The following PALS1 variants were observed in gnomAD, a reference collection of about 807,000 sequenced individuals.
PALS1 encodes the protein protein PALS1.
Under a neutral mutation model 78.9 loss-of-function variants are expected in PALS1, and 31 were observed. The observed-to-expected ratio is 0.39, with a 90% CI of 0.30 to 0.53. The LOEUF (loss-of-function observed/expected upper bound fraction) is 0.53, where lower values mean the gene tolerates loss of function less well. PALS1 is among the 20% of genes least tolerant of loss of function. PALS1 has a pLI of 0.67. For missense variants in PALS1, 704 were observed against 826.5 expected, an observed-to-expected ratio of 0.85 and a Z score of 1.82; for synonymous variants, 276 against 270.9, an observed-to-expected ratio of 1.02 and a Z score of -0.18.
chr14:67,327,939 A>G (rs988013385), intron 14 of PALS1, among the ~76,000 whole-genome samples: 23 of 152,216 alleles, frequency 1.5e-4, no homozygotes, highest in Admixed American at 1.4e-3. Flanking sequence ...GCTGCAGTCA[A>G]TGTACGTGTG....
chr14:67,298,111 G>C (rs990721274), intron 4 of PALS1, among the ~76,000 whole-genome samples: 2 of 152,042 alleles, frequency 1.3e-5, no homozygotes, highest in South Asian at 4.1e-4. Context: ...GAATCAGATG[G>C]TGATGGTCCT....
chr14:67,323,633 T>TATATATATAC (rs2085303369), intron 13 of PALS1, 69 bp from the exon 14 acceptor site: 3 of 411,118 alleles, frequency 7.3e-6, no homozygotes, highest in African/African-American at 6.6e-5. Context: ...TATATATATA[T>TATATATATAC]ATATCAGTAT....
intron 2 of PALS1, among the ~76,000 whole-genome samples, chr14:67,276,542 AT>A (rs779981211): frequency 1.1e-4 from 16 of 152,318 alleles, no homozygotes; most frequent in Middle Eastern, 6.8e-3. Context: ...TTTATTGGAC[AT>A]TTCTTATGAT....
At chr14:67,323,031 A>G (rs1416863316) in intron 13 of PALS1, among the ~76,000 whole-genome samples, 3 of 152,134 alleles carry the variant, frequency 2.0e-5, no homozygotes, top group African/African-American at 7.2e-5. Flanking sequence ...TATGATTCTA[A>G]TTGCTCCAAA....
intron 3 of PALS1, among the ~76,000 whole-genome samples, chr14:67,286,683 C>T (rs2084693159): frequency 6.8e-6 from 1 of 147,032 alleles, no homozygotes; most frequent in Non-Finnish European, 1.5e-5. Flanking sequence ...TGGTGAAACT[C>T]CATCTCTACC....
chr14:67,295,351 G>A (rs1359094385), intron 4 of PALS1, among the ~76,000 whole-genome samples: 1 of 151,850 alleles, frequency 6.6e-6, no homozygotes, highest in Non-Finnish European at 1.5e-5. Context: ...TTAGCTGGCT[G>A]TAGTGGTGTA....
intron 8 of PALS1, among the ~76,000 whole-genome samples, chr14:67,305,400 C>A (rs1424293369): frequency 2.0e-5 from 3 of 152,174 alleles, no homozygotes; most frequent in African/African-American, 7.2e-5. Flanking sequence ...CTACCTCAGC[C>A]TCCCTAGTAG....
At chr14:67,277,572 A>ACC (rs2084526985) in intron 2 of PALS1, among the ~76,000 whole-genome samples, 1 of 151,938 alleles carries the variant, frequency 6.6e-6, no homozygotes, top group Admixed American at 6.6e-5. Flanking sequence ...TAGTAGGTTT[A>ACC]TTACTGTAAA....
At chr14:67,247,028 A>G (rs1234557513) in intron 1 of PALS1, among the ~76,000 whole-genome samples, 1 of 152,164 alleles carries the variant, frequency 6.6e-6, no homozygotes, top group Non-Finnish European at 1.5e-5. Flanking sequence ...TGTTATGACT[A>G]TTTTTAGTTC....
At chr14:67,315,112 T>C (rs2085147505) in intron 9 of PALS1, among the ~76,000 whole-genome samples, 1 of 111,730 alleles carries the variant, frequency 9.0e-6, no homozygotes, top group Non-Finnish European at 1.6e-5. Context: ...ATCATTTCCA[T>C]CTCTCATTAA....
intron 1 of PALS1, among the ~76,000 whole-genome samples, chr14:67,253,462 T>G (rs2084095164): frequency 6.6e-6 from 1 of 152,224 alleles, no homozygotes; most frequent in Non-Finnish European, 1.5e-5. Context: ...CTGTTCAGCT[T>G]TATCAGCTTC....
At chr14:67,302,218 C>A in intron 6 of PALS1, 100 bp downstream of exon 6, 1 of 1,315,514 alleles carries the variant, frequency 7.6e-7, no homozygotes, top group Non-Finnish European at 1.0e-6. Context: ...TAGAGTATTT[C>A]TGAAGCAGAA....
chr14:67,267,856 G>C (rs530071686), intron 1 of PALS1, among the ~76,000 whole-genome samples: 6 of 152,216 alleles, frequency 3.9e-5, no homozygotes, highest in African/African-American at 1.2e-4. Flanking sequence ...CTCGTGTCTG[G>C]CATTGTGTTT....
At chr14:67,309,676 C>T (rs541527611) in intron 8 of PALS1, among the ~76,000 whole-genome samples, 6 of 152,244 alleles carry the variant, frequency 3.9e-5, no homozygotes, top group Admixed American at 1.3e-4. Context: ...TCCCTCCTCA[C>T]GGGTCTTAAT....
chr14:67,251,410 G>A lies in PALS1; in HGVS notation c.-237+9877G>A, dbSNP rs191774134. Among the ~76,000 whole-genome samples, 168 of 152,206 alleles carry A rather than the reference G, an allele frequency of 1.1e-3. 4 individuals are homozygous for A. Among genetic ancestry groups the A allele is most frequent in the Admixed American group, 0.011 (165 of 15,274 alleles). ...TAGCTGGACTTGGTGGTGTGTGCCT[G>A]TGGTCCCAGCTACTCAGGAGGCTAA... On this transcript the variant is annotated intron_variant, in intron 1 of 14. Transcript: ENST00000261681.
At chr14:67,255,910 C>T (rs1165660411) in intron 1 of PALS1, among the ~76,000 whole-genome samples, 1 of 152,220 alleles carries the variant, frequency 6.6e-6, no homozygotes, top group Admixed American at 6.5e-5. Flanking sequence ...TGGTCTGGAA[C>T]TCCTGACCTC....
chr14:67,281,140 G>T (rs564610918), intron 3 of PALS1, among the ~76,000 whole-genome samples: 1 of 151,678 alleles, frequency 6.6e-6, no homozygotes, highest in African/African-American at 2.4e-5. Context: ...CTCATGATCT[G>T]CCCTCCTTGA....
At chr14:67,274,790 T>G (rs2084471771) in intron 2 of PALS1, among the ~76,000 whole-genome samples, 1 of 152,246 alleles carries the variant, frequency 6.6e-6, no homozygotes, top group Non-Finnish European at 1.5e-5. Flanking sequence ...TGTCCTCTTT[T>G]ACTTGGTTGA....
rs370978573 is a variant in PALS1, at chr14:67,261,821, A to G, written c.-236-7880A>G. ...TATCTTGTTACCACAATCAGGTACT[A>G]AAATAAACTTGTAGTCTGTTAGCAT... On this transcript the variant is annotated intron_variant, in intron 1 of 14. Transcript: ENST00000261681. Among the ~76,000 whole-genome samples, 6 of 152,138 alleles carry G rather than the reference A, an allele frequency of 3.9e-5. No individual in the cohort carries two copies. The East Asian group carries it at 1.2e-3, about 29-fold the overall frequency.
Sources: gnomAD v4.1 joint callset for allele counts (sites outside exome capture counted in the v4.1 genomes callset) on GRCh38, gnomAD v4.1.1 for gene constraint, MANE v1.5 for transcripts, NCBI Gene and HGNC (gene_info 2026-07-23, HGNC 2026-07-21) for gene names.